HAUS6: variants seen among roughly 807,000 people sequenced by gnomAD.
HAUS6 encodes HAUS augmin-like complex subunit 6.
Under a neutral mutation model 106.8 loss-of-function variants are expected in HAUS6, and 80 were observed. That is an observed-to-expected ratio of 0.75 (90% CI 0.63 to 0.90). The LOEUF (loss-of-function observed/expected upper bound fraction) is 0.90. Ranked by LOEUF, HAUS6 falls within the 40% of genes least tolerant of loss-of-function variation. HAUS6 has a pLI of 0.00. For synonymous variants in HAUS6, 356 were observed against 379.1 expected, an observed-to-expected ratio of 0.94 and a Z score of 0.71; for missense variants, 1,155 against 1,118.1, an observed-to-expected ratio of 1.03 and a Z score of -0.47.
At chr9:19,096,619 T>G in intron 2 of HAUS6, 55 bp downstream of exon 2, 2 of 688,298 alleles carry the variant, frequency 2.9e-6, no homozygotes, top group East Asian at 3.0e-5. Flanking sequence ...ATCAAAACGC[T>G]GTCCATTTTC....
Position 19,063,560 on chromosome 9 carries a change from T to G in HAUS6, c.1397A>C (p.Gln466Pro), listed in dbSNP as rs1836680900. ...GTTTCTATCTGATGATGAAACTGAC[T>G]GCGACAAGAAAGAGGCAGGGCTAAA... ...LANSPASFLS[Q>P]SVSSSDRNSV... Residue 466 changes from glutamine to proline, a missense_variant, in exon 13 of 17, where the codon CAG becomes CCG. By Grantham distance (76) the Gln-to-Pro change is moderately conservative (BLOSUM62 -1). This residue lies in a region of HAUS6 where 761 missense variants were observed against 690.0 expected (regional missense o/e 1.10). Coordinates refer to ENST00000380502, the MANE Select transcript of HAUS6 (RefSeq NM_017645.5). The G allele has an allele frequency of 6.2e-7, 1 of 1,607,458 alleles. No individual in the cohort carries two copies. Among genetic ancestry groups the G allele is most frequent in the Non-Finnish European group, 8.5e-7 (1 of 1,174,014 alleles).
intron 14 of HAUS6, among the ~76,000 whole-genome samples, chr9:19,061,902 G>C (rs2131101116): frequency 6.6e-6 from 1 of 152,262 alleles, no homozygotes; most frequent in Middle Eastern, 3.4e-3. Context: ...AGTTTGATCA[G>C]GAATGCAATA....
chr9:19,080,142 C>A (rs1050279916), intron 9 of HAUS6, among the ~76,000 whole-genome samples: 1 of 129,236 alleles, frequency 7.7e-6, no homozygotes, highest in Non-Finnish European at 1.5e-5. Flanking sequence ...CCATTGCACT[C>A]TAGCCTGGGC....
At chr9:19,067,680 T>A (rs1836791181) in intron 12 of HAUS6, among the ~76,000 whole-genome samples, 1 of 152,134 alleles carries the variant, frequency 6.6e-6, no homozygotes, top group Non-Finnish European at 1.5e-5. Context: ...ACAAAATTCT[T>A]CAAAAAGAAT....
At chr9:19,075,407 A>T (rs1284973854) in intron 11 of HAUS6, among the ~76,000 whole-genome samples, 1 of 152,216 alleles carries the variant, frequency 6.6e-6, no homozygotes, top group African/African-American at 2.4e-5. Context: ...AACAAATCTG[A>T]TTTTTAAAAA....
At chr9:19,094,601 G>A (rs144399382) in intron 2 of HAUS6, among the ~76,000 whole-genome samples, 354 of 152,242 alleles carry the variant, frequency 2.3e-3, no homozygotes, top group South Asian at 0.023. Context: ...AGACCAGCCT[G>A]GCCAACATGG....
rs183526844 is a variant in HAUS6 at position 19,067,254 on chromosome 9, G to A, written c.1376+2965C>T. Among the ~76,000 whole-genome samples the A allele has an allele frequency of 1.4e-3, 216 of 152,236 alleles. 1 individual carries two copies. The highest frequency in any genetic ancestry group is 2.6e-3 in the Non-Finnish European group (174 of 68,022). ...AATTGCTGAACTACATGCAAAAAAG[G>A]TATTATCTTCTTTCATTAAGTACAG... On this transcript the variant is annotated intron_variant, in intron 12 of 16. Coordinates refer to ENST00000380502, the MANE Select transcript of HAUS6 (RefSeq NM_017645.5).
chr9:19,093,573 A>C (rs1817800219), intron 3 of HAUS6, among the ~76,000 whole-genome samples: 1 of 152,196 alleles, frequency 6.6e-6, no homozygotes, highest in Non-Finnish European at 1.5e-5. Context: ...TGAAGCATAA[A>C]AGAATTTGAT....
Position 19,096,696 on chromosome 9 carries a change from A to T in HAUS6, c.202T>A (p.Ser68Thr). The T allele has an allele frequency of 6.7e-7, 1 of 1,500,342 alleles. No individual in the cohort carries two copies. The highest frequency in any genetic ancestry group is 9.1e-7 in the Non-Finnish European group (1 of 1,100,730). 92.9% of individuals were successfully genotyped at this position (1,500,342 alleles called of 1,614,324 possible). A position where few individuals can be genotyped will look rare whatever the true frequency, so the allele number is the denominator to read the frequency against. ...TACTTGAAAACTTCTTTGGTGAGAG[A>T]CTGGTCCAGAACTTGAAACAAAAAA... ...SYFLFQVLDQ[S>T]LTKEVFKFCW... is the part of the protein sequence containing the mutation. Residue 68 changes from serine to threonine, a missense_variant, in exon 2 of 17, where the codon TCT becomes ACT. Ser to Thr is a moderately conservative substitution (Grantham distance 58). Transcript: ENST00000380502.
At chr9:19,085,799 T>G (rs1837276507) in intron 7 of HAUS6, among the ~76,000 whole-genome samples, 1 of 152,098 alleles carries the variant, frequency 6.6e-6, no homozygotes, top group Non-Finnish European at 1.5e-5. Flanking sequence ...TTAGATAAAT[T>G]AATACCACTG....
At chr9:19,069,838 A>G (rs972578168) in intron 12 of HAUS6, among the ~76,000 whole-genome samples, 6 of 151,132 alleles carry the variant, frequency 4.0e-5, no homozygotes, top group Admixed American at 4.0e-4. Flanking sequence ...GGTTATGACC[A>G]TAATCCCAGC....
intron 12 of HAUS6, among the ~76,000 whole-genome samples, chr9:19,068,154 G>C (rs1200762504): frequency 6.6e-6 from 1 of 151,998 alleles, no homozygotes; most frequent in Non-Finnish European, 1.5e-5. Flanking sequence ...ACATAACTGA[G>C]TTTGGGAAGC....
intron 6 of HAUS6, 22 bp from the exon 7 acceptor site, chr9:19,086,804 A>G (rs1341334618): frequency 1.1e-6 from 1 of 927,212 alleles, no homozygotes; most frequent in Non-Finnish European, 1.7e-6. Context: ...TAAATAATCT[A>G]ATTAGTCATA....
intron 12 of HAUS6, among the ~76,000 whole-genome samples, chr9:19,067,684 A>T (rs987224182): frequency 2.6e-5 from 4 of 152,006 alleles, no homozygotes; most frequent in Non-Finnish European, 4.4e-5. Context: ...AATTCTTCAA[A>T]AAGAATTTTG....
At chr9:19,099,447 T>C (rs1420258785) in intron 1 of HAUS6, among the ~76,000 whole-genome samples, 2 of 152,060 alleles carry the variant, frequency 1.3e-5, no homozygotes, top group African/African-American at 4.8e-5. Context: ...ATTACAGGCG[T>C]GAGCCACCGC....
intron 1 of HAUS6, 89 bp downstream of exon 1, chr9:19,102,435 T>G (rs1818009539): frequency 7.2e-7 from 1 of 1,394,780 alleles, no homozygotes; most frequent in Non-Finnish European, 9.9e-7. Context: ...CCAATTCTGA[T>G]TAATCAACCT....
In HAUS6 at chr9:19,056,225, T is replaced by G; in HGVS notation, c.*118A>C. 1.6e-6 allele frequency: 1 copy of G among 607,982 alleles called. No individual in the cohort carries two copies. 37.7% of individuals were successfully genotyped at this position (607,982 alleles called of 1,614,324 possible). ...AAGGCTAAAAGGCATTAGGAATTTT[T>G]TTAAACCTTGAAAAACAGTGTTACA... is the stretch of plus-strand genomic sequence containing the variant. On this transcript the variant is annotated 3_prime_UTR_variant, in exon 17 of 17. Coordinates refer to ENST00000380502, the MANE Select transcript of HAUS6 (RefSeq NM_017645.5).
intron 7 of HAUS6, among the ~76,000 whole-genome samples, chr9:19,083,436 C>T (rs986354066): frequency 6.6e-6 from 1 of 152,162 alleles, no homozygotes; most frequent in South Asian, 2.1e-4. Flanking sequence ...ATACAAGATA[C>T]AATTAGCATT....
intron 11 of HAUS6, chr9:19,073,873 T>C (rs949626606): frequency 1.3e-5 from 2 of 152,034 alleles, no homozygotes; most frequent in Non-Finnish European, 2.9e-5. Flanking sequence ...TATATTAAAA[T>C]TGGAACAATA....
Sources: allele counts gnomAD v4.1 joint callset (sites outside exome capture counted in the v4.1 genomes callset), GRCh38; gene constraint gnomAD v4.1.1; regional missense constraint gnomAD v4.1.1; transcripts MANE v1.5; gene names NCBI Gene and HGNC (gene_info 2026-07-23, HGNC 2026-07-21).